F5: variants seen among roughly 807,000 people sequenced by gnomAD.
F5 encodes activated protein c cofactor.
In F5, 138 loss-of-function variants were observed where a neutral mutation model predicts 216.4. The observed-to-expected ratio is 0.64, with a 90% CI of 0.56 to 0.73. F5 has a LOEUF of 0.73. Among genes scored for constraint, F5 ranks in the 30% least tolerant of loss-of-function variants. F5 has a pLI of 0.00. For synonymous variants in F5, 916 were observed against 930.7 expected (o/e 0.98, Z 0.29); for missense variants, 2,403 against 2,674.0 (o/e 0.90, Z 2.24).
rs1046712 is a variant in F5, at chr1:169,541,237, G to T, written c.3853C>A (p.Leu1285Ile). The part of the protein sequence containing the change: ...PLSPDLSHTT[L>I]SLDFSQTNLS... Reference sequence around the variant, plus strand: ...TTTGTCTGGCTGAAGTCTAGAGAAAGGGTTGTATGGCTGAGGTCTGGAGAA... The same window carrying T: ...TTTGTCTGGCTGAAGTCTAGAGAAATGGTTGTATGGCTGAGGTCTGGAGAA... Residue 1285 changes from leucine to isoleucine, a missense_variant, in exon 13 of 25, where the codon CTT becomes ATT. Around this residue, in one of 4 missense-constraint regions of F5, gnomAD observed 1,425 missense variants for 1,554.8 expected, o/e 0.92. Coordinates refer to ENST00000367797, the MANE Select transcript of F5 (RefSeq NM_000130.5). The T allele has an allele frequency of 0.17, 277,712 of 1,603,754 alleles. 24,165 individuals are homozygous for T. Among genetic ancestry groups the T allele is most frequent in the South Asian group, 0.2 (17,776 of 89,752 alleles).
chr1:169,541,102 G>C lies in F5; in HGVS notation c.3988C>G (p.Leu1330Val). Residue 1330 changes from leucine to valine, a missense_variant, in exon 13 of 25, where the codon CTT becomes GTT. By Grantham distance (32) the Leu-to-Val change is conservative. Coordinates refer to ENST00000367797, the MANE Select transcript of F5 (RefSeq NM_000130.5). ...TTTGTCTGGCTGAAGTCTAGAGAAA[G>C]GGTTGTATGGCTGAGGTCTGGAGAA... ...PISPDLSHTT[L>V]SLDFSQTNLS... 1 of 1,588,836 alleles carries C rather than the reference G, an allele frequency of 6.3e-7. No individual in the cohort carries two copies. The highest frequency in any genetic ancestry group is 8.6e-7 in the Non-Finnish European group (1 of 1,166,460).
At chr1:169,580,129 T>C (rs1660955380) in intron 2 of F5, among the ~76,000 whole-genome samples, 1 of 152,196 alleles carries the variant, frequency 6.6e-6, no homozygotes, top group South Asian at 2.1e-4. Flanking sequence ...CTTTCCAAGA[T>C]CCTACTCTTT....
intron 24 of F5, among the ~76,000 whole-genome samples, 160 bp downstream of exon 24, chr1:169,515,284 A>T (rs1447351492): frequency 6.6e-6 from 1 of 152,182 alleles, no homozygotes; most frequent in East Asian, 1.9e-4. Flanking sequence ...CAAAACAGAC[A>T]ACCAGGAGTT....
At chr1:169,578,641 C>G (rs986626412) in intron 2 of F5, among the ~76,000 whole-genome samples, 7 of 152,198 alleles carry the variant, frequency 4.6e-5, no homozygotes, top group Non-Finnish European at 8.8e-5. Context: ...CATCTACCTA[C>G]AATTTAATTT....
intron 11 of F5, among the ~76,000 whole-genome samples, chr1:169,546,036 C>A (rs978610964): frequency 2.6e-5 from 4 of 152,172 alleles, no homozygotes; most frequent in African/African-American, 9.7e-5. Flanking sequence ...ATGTGTCAAT[C>A]CATCTTTGGA....
intron 14 of F5, among the ~76,000 whole-genome samples, chr1:169,532,747 A>G (rs993436848): frequency 1.3e-5 from 2 of 152,178 alleles, no homozygotes; most frequent in African/African-American, 4.8e-5. Flanking sequence ...CAAATGGAAA[A>G]ACATTCTATG....
At chr1:169,565,672 C>A (rs1187031469) in intron 3 of F5, among the ~76,000 whole-genome samples, 2 of 152,098 alleles carry the variant, frequency 1.3e-5, no homozygotes, top group Non-Finnish European at 2.9e-5. Flanking sequence ...AACTCCTGCA[C>A]AGAATTTTGT....
At chr1:169,539,582 A>G (rs1027577251) in intron 13 of F5, among the ~76,000 whole-genome samples, 1 of 152,344 alleles carries the variant, frequency 6.6e-6, no homozygotes, top group East Asian at 1.9e-4. Context: ...ACTCATATGC[A>G]TAAGTCACAC....
rs374856633 is a variant in F5, at chr1:169,558,859, C to T, written c.730+294G>A. 7.2e-4 allele frequency among the ~76,000 whole-genome samples: 109 copies of T among 152,270 alleles called. 1 individual carries two copies. In the South Asian group the frequency reaches 0.022, roughly 30 times the overall value. On this transcript the variant is annotated intron_variant, in intron 5 of 24. Coordinates refer to ENST00000367797, the MANE Select transcript of F5 (RefSeq NM_000130.5). ...AAGCCATGGTCATCATATAGAGGAA[C>T]TGCAGAACTCGGAGAGAGTGGCTGA...
chr1:169,579,386 A>G (rs186451682), intron 2 of F5, among the ~76,000 whole-genome samples: 6 of 151,882 alleles, frequency 4.0e-5, no homozygotes, highest in African/African-American at 1.2e-4. Flanking sequence ...TTCTCATCAC[A>G]TCCTCCCTGG....
At chr1:169,546,164 G>A (rs1031347817) in intron 11 of F5, among the ~76,000 whole-genome samples, 10 of 144,040 alleles carry the variant, frequency 6.9e-5, no homozygotes, top group African/African-American at 1.0e-4. Context: ...TCCTCACCAC[G>A]CAGAGTATGT....
rs746851699 is a variant in F5 at position 169,586,357 on chromosome 1, G to A, written c.30C>T (p.Val10=). 3 of 1,613,856 alleles carry A rather than the reference G, an allele frequency of 1.9e-6. No individual in the cohort carries two copies. Among genetic ancestry groups the A allele is most frequent in the Admixed American group, 3.3e-5 (2 of 60,026 alleles). The part of the protein sequence containing the change: MFPGCPRLW[V]LVVLGTSWVG... ...CCCAGCTGGTGCCCAAGACCACCAG[G>A]ACCCAGAGGCGTGGGCAGCCTGGGA... The change falls in exon 1 of 25, where the codon GTC becomes GTT. Residue 10 remains valine, a synonymous_variant. Coordinates refer to ENST00000367797, the MANE Select transcript of F5 (RefSeq NM_000130.5).
At chr1:169,521,080 G>A (rs984368827) in intron 21 of F5, among the ~76,000 whole-genome samples, 2 of 152,100 alleles carry the variant, frequency 1.3e-5, no homozygotes, top group African/African-American at 4.8e-5. Context: ...AATAAAATCT[G>A]CTTTCTCTAA....
At chr1:169,563,915 T>A (rs1467275362) in intron 3 of F5, among the ~76,000 whole-genome samples, 1 of 152,186 alleles carries the variant, frequency 6.6e-6, no homozygotes, top group East Asian at 1.9e-4. Context: ...TTTCTGCTTC[T>A]TCTAATGCTT....
chr1:169,515,420 C>T (rs1659135091), intron 24 of F5, 24 bp downstream of exon 24: 1 of 1,612,268 alleles, frequency 6.2e-7, no homozygotes. Context: ...AGATTGCTTT[C>T]TCTTTGCCCA....
chr1:169,543,154 TG>T, intron 12 of F5, 40 bp from the exon 13 acceptor site: 1 of 1,581,578 alleles, frequency 6.3e-7, no homozygotes. Flanking sequence ...TCTGGAAGTC[TG>T]GGAAAAGACA....
intron 2 of F5, among the ~76,000 whole-genome samples, chr1:169,575,919 G>T (rs752943648): frequency 2.6e-5 from 4 of 152,106 alleles, no homozygotes; most frequent in Non-Finnish European, 4.4e-5. Context: ...AGATTCTTCT[G>T]GGCTGTCCAG....
intron 15 of F5, 82 bp from the exon 16 acceptor site, chr1:169,529,900 G>A: frequency 3.6e-6 from 4 of 1,126,154 alleles, no homozygotes; most frequent in South Asian, 1.3e-5. Flanking sequence ...TATAGAAAAG[G>A]AAACTTTCTG....
Position 169,536,658 on chromosome 1 carries a change from C to A in F5, c.4819G>T (p.Asp1607Tyr). The A allele has an allele frequency of 1.9e-6, 3 of 1,611,780 alleles. No homozygotes were observed. Among genetic ancestry groups the A allele is most frequent in the Non-Finnish European group, 1.7e-6 (2 of 1,178,046 alleles). ...TATGTGGTATCTTCTGGAATATCAT[C>A]AGAGTCTTCAATATCTGTTTCCCTG... Reference protein sequence around the residue: ...VQRETDIEDSDDIPEDTTYKK... With the variant: ...VQRETDIEDSYDIPEDTTYKK... Residue 1607 changes from aspartate to tyrosine, a missense_variant, in exon 14 of 25, where the codon GAT (aspartate) becomes TAT (tyrosine). This residue lies in a region of F5 where 659 missense variants were observed against 787.9 expected (regional missense o/e 0.84). Transcript: ENST00000367797.
Sources: allele counts gnomAD v4.1 joint callset (sites outside exome capture counted in the v4.1 genomes callset), GRCh38; gene constraint gnomAD v4.1.1; regional missense constraint gnomAD v4.1.1; transcripts MANE v1.5; gene names NCBI Gene and HGNC (gene_info 2026-07-23, HGNC 2026-07-21).